The following PRKACB variants were observed in gnomAD, a reference collection of about 807,000 sequenced individuals.
PRKACB encodes protein kinase cAMP-activated catalytic subunit beta, also known as cAMP-dependent protein kinase catalytic subunit beta.
Under a neutral mutation model 51.4 loss-of-function variants are expected in PRKACB, and 16 were observed. The ratio of observed to expected loss-of-function variants is 0.31; its 90% CI spans 0.21 to 0.47. The LOEUF is 0.47. PRKACB is among the 20% of genes least tolerant of loss of function. The pLI is 1.00. For missense variants in PRKACB, 309 were observed against 464.5 expected (o/e 0.67, Z 3.08); for synonymous variants, 147 against 154.4 (o/e 0.95, Z 0.35).
intron 1 of PRKACB, among the ~76,000 whole-genome samples, chr1:84,099,729 T>C (rs1208498040): frequency 6.6e-6 from 1 of 152,182 alleles, no homozygotes; most frequent in East Asian, 1.9e-4. Flanking sequence ...ATTTGTATCA[T>C]AATTCACGCA....
intron 1 of PRKACB, among the ~76,000 whole-genome samples, chr1:84,109,889 A>G (rs1650075417): frequency 1.3e-5 from 2 of 151,908 alleles, no homozygotes; most frequent in African/African-American, 2.4e-5. Flanking sequence ...CTGATTATAT[A>G]TGTTATAAAC....
chr1:84,099,130 G>A lies in PRKACB; in HGVS notation c.46+20759G>A, dbSNP rs755927683. Among the ~76,000 whole-genome samples the A allele has an allele frequency of 2.6e-5, 4 of 151,994 alleles. No individual in the cohort carries two copies. The East Asian group carries it at 5.8e-4, about 22-fold the overall frequency. On this transcript the variant is annotated intron_variant, in intron 1 of 8. Coordinates refer to the PRKACB transcript ENST00000370688. ...GAAAGGTTAGAGGATATACATATTC[G>A]ATGAATGTGTATATCTTCAATTAAC...
chr1:84,177,721 G>T (rs1367297873), intron 1 of PRKACB, among the ~76,000 whole-genome samples: 1 of 151,970 alleles, frequency 6.6e-6, no homozygotes, highest in Admixed American at 6.6e-5. Flanking sequence ...CAGCCTGAGT[G>T]ACAGAGCAAG....
At chr1:84,105,978 A>G (rs1473957573) in intron 1 of PRKACB, among the ~76,000 whole-genome samples, 2 of 116,798 alleles carry the variant, frequency 1.7e-5, no homozygotes. Context: ...CAACAAAACA[A>G]TAATAAAAAA....
chr1:84,229,948 T>A (rs1675320694), intron 9 of PRKACB, among the ~76,000 whole-genome samples: 1 of 151,206 alleles, frequency 6.6e-6, no homozygotes, highest in African/African-American at 2.4e-5. Context: ...TAGATCCCAT[T>A]TGTCAATTTT....
chr1:84,218,846 G>A (rs571764278), intron 9 of PRKACB, among the ~76,000 whole-genome samples: 98 of 152,242 alleles, frequency 6.4e-4, no homozygotes, highest in Non-Finnish European at 1.3e-3. Flanking sequence ...ACCTGGGTAC[G>A]ATGATATCTC....
rs771998171 is a variant in PRKACB, at chr1:84,179,193, C to T, written c.204C>T (p.Ala68=). The part of the protein sequence containing the change: ...LWDRSMKEFL[A]KAKEDFLKKW... ...TATTTTCAGTGAAAGAGTTTCTAGC[C>T]AAAGCCAAAGAAGACTTTTTGAAAA... The change falls in exon 2 of 10, where the codon GCC becomes GCT. Residue 68 remains alanine, a synonymous_variant. Transcript: ENST00000370685. 3.4e-5 allele frequency: 54 copies of T among 1,584,350 alleles called. No homozygotes were observed. Among genetic ancestry groups the T allele is most frequent in the Non-Finnish European group, 4.0e-5 (47 of 1,164,406 alleles).
chr1:84,101,682 C>T (rs1203092039), intron 1 of PRKACB, among the ~76,000 whole-genome samples: 10 of 152,090 alleles, frequency 6.6e-5, no homozygotes, highest in Non-Finnish European at 1.2e-4. Context: ...AAATCAAAGG[C>T]AAGAAGATGG....
At chr1:84,152,004 T>C (rs2100646252) in intron 1 of PRKACB, among the ~76,000 whole-genome samples, 1 of 152,332 alleles carries the variant, frequency 6.6e-6, no homozygotes, top group South Asian at 2.1e-4. Context: ...ATCAGAGGAA[T>C]CACTATCTGT....
chr1:84,144,310 C>T lies in PRKACB; in HGVS notation c.-52C>T. Reference sequence around the variant, plus strand: ...TAGCTTCTGTGTAAGAAGTTGTGAGCTCCTTCTGGAAACATTTGCAGTTAC... The same window carrying T: ...TAGCTTCTGTGTAAGAAGTTGTGAGTTCCTTCTGGAAACATTTGCAGTTAC... On this transcript the variant is annotated 5_prime_UTR_variant, in exon 1 of 10. Transcript: ENST00000370685. The T allele has an allele frequency of 6.3e-7, 1 of 1,587,258 alleles. No homozygotes were observed. Among genetic ancestry groups the T allele is most frequent in the Non-Finnish European group, 8.5e-7 (1 of 1,171,206 alleles).
intron 1 of PRKACB, among the ~76,000 whole-genome samples, chr1:84,111,043 CCA>C (rs1650189076): frequency 6.6e-6 from 1 of 151,978 alleles, no homozygotes; most frequent in Admixed American, 6.6e-5. Flanking sequence ...AGTTTCTTAG[CCA>C]TTCTCCCTGC....
At chr1:84,106,350 C>T (rs1649747648) in intron 1 of PRKACB, among the ~76,000 whole-genome samples, 1 of 152,136 alleles carries the variant, frequency 6.6e-6, no homozygotes, top group Non-Finnish European at 1.5e-5. Flanking sequence ...GATTCTATAT[C>T]TAGAAAACTC....
chr1:84,223,571 A>G (rs1332710407), intron 9 of PRKACB, among the ~76,000 whole-genome samples: 2 of 151,952 alleles, frequency 1.3e-5, no homozygotes, highest in East Asian at 3.9e-4. Context: ...GGGTTTCACC[A>G]TGTTAGCCAG....
chr1:84,187,582 G>A (rs182169422), intron 5 of PRKACB, among the ~76,000 whole-genome samples: 2 of 152,202 alleles, frequency 1.3e-5, no homozygotes, highest in East Asian at 3.9e-4. Flanking sequence ...TCAGCTAACA[G>A]GACTTCAGGA....
intron 1 of PRKACB, chr1:84,178,742 C>G (rs1662175426): frequency 6.5e-6 from 1 of 153,064 alleles, no homozygotes; most frequent in Non-Finnish European, 1.5e-5. Context: ...GAAAACAGCT[C>G]TTTATCAAGA....
chr1:84,172,293 G>T (rs767540699), intron 1 of PRKACB, among the ~76,000 whole-genome samples: 1 of 151,664 alleles, frequency 6.6e-6, no homozygotes, highest in Non-Finnish European at 1.5e-5. Context: ...ACATATGATT[G>T]TAGTAGATAT....
chr1:84,190,028 AT>A (rs1175315512), intron 5 of PRKACB, among the ~76,000 whole-genome samples: 4 of 151,668 alleles, frequency 2.6e-5, no homozygotes, highest in Non-Finnish European at 5.9e-5. Flanking sequence ...TAATCTTATA[AT>A]TTTTCTTTTC....
At chr1:84,085,182 G>A (rs528096294) in intron 1 of PRKACB, among the ~76,000 whole-genome samples, 2 of 152,196 alleles carry the variant, frequency 1.3e-5, no homozygotes, top group South Asian at 2.1e-4. Flanking sequence ...TAAGCTATTC[G>A]GTTTTGTAGT....
At chr1:84,151,503 A>G (rs1320552670) in intron 1 of PRKACB, among the ~76,000 whole-genome samples, 1 of 152,200 alleles carries the variant, frequency 6.6e-6, no homozygotes, top group Non-Finnish European at 1.5e-5. Context: ...TCTCTGTAGC[A>G]TGTGATGTTT....
Sources: allele counts gnomAD v4.1 joint callset (sites outside exome capture counted in the v4.1 genomes callset), GRCh38; gene constraint gnomAD v4.1.1; transcripts MANE v1.5; gene names NCBI Gene and HGNC (gene_info 2026-07-23, HGNC 2026-07-21).